ARHGAP32: variants seen among roughly 807,000 people sequenced by gnomAD.
The protein encoded by ARHGAP32 is Rho GTPase activating protein 32.
Under a neutral mutation model 186.5 loss-of-function variants are expected in ARHGAP32, and 51 were observed. The ratio of observed to expected loss-of-function variants is 0.27; its 90% CI spans 0.22 to 0.35. The LOEUF (loss-of-function observed/expected upper bound fraction) is 0.35. ARHGAP32 is among the 10% of genes least tolerant of loss of function. ARHGAP32 has a pLI of 1.00. For missense variants in ARHGAP32, 2,186 were observed against 2,623.5 expected (o/e 0.83, Z 3.64); for synonymous variants, 950 against 964.3 (o/e 0.99, Z 0.27).
chr11:129,168,669 C>T (rs1943689139), intron 1 of ARHGAP32, among the ~76,000 whole-genome samples: 1 of 152,022 alleles, frequency 6.6e-6, no homozygotes, highest in South Asian at 2.1e-4. Flanking sequence ...TGTGAACTAA[C>T]ACAGAACACT....
chr11:129,142,141 C>T (rs1943068865), intron 2 of ARHGAP32, among the ~76,000 whole-genome samples: 2 of 152,094 alleles, frequency 1.3e-5, no homozygotes, highest in South Asian at 4.1e-4. Context: ...TATAAGCTAT[C>T]TGAACAGTAG....
chr11:129,120,186 C>T (rs559285738), intron 5 of ARHGAP32, among the ~76,000 whole-genome samples: 19 of 151,952 alleles, frequency 1.3e-4, no homozygotes, highest in African/African-American at 4.3e-4. Flanking sequence ...AAGATGGAGC[C>T]AAAAAATCTG....
intron 11 of ARHGAP32, among the ~76,000 whole-genome samples, chr11:128,999,091 G>A (rs186494080): frequency 1.6e-4 from 25 of 152,300 alleles, no homozygotes; most frequent in African/African-American, 4.6e-4. Context: ...CTGTGGGGCC[G>A]GGCAGAACAG....
intron 1 of ARHGAP32, among the ~76,000 whole-genome samples, chr11:129,260,567 T>C (rs183804180): frequency 5.1e-4 from 77 of 152,310 alleles, no homozygotes; most frequent in Non-Finnish European, 7.6e-4. Flanking sequence ...ATTCTGTAAC[T>C]GCGAAACACC....
chr11:129,031,640 G>A (rs1181092024), intron 11 of ARHGAP32, among the ~76,000 whole-genome samples: 1 of 152,216 alleles, frequency 6.6e-6, no homozygotes, highest in African/African-American at 2.4e-5. Context: ...TGCTCATTGT[G>A]ATACGGACAG....
In ARHGAP32 at chr11:129,149,868, A is replaced by C. The variant is rs374818005; in HGVS notation, c.225+14451T>G. 5.1e-4 allele frequency among the ~76,000 whole-genome samples: 77 copies of C among 152,298 alleles called. 1 individual carries two copies. The highest frequency in any genetic ancestry group is 1.7e-3 in the Admixed American group (26 of 15,298). The stretch of plus-strand genomic sequence containing the variant: ...ATCAAGAAGACACCAGAAAAATGTG[A>C]AAACCAATGTAAAGAAATTTTTTTA... On this transcript the variant is annotated intron_variant, in intron 2 of 22. Transcript: ENST00000682385.
In ARHGAP32 at chr11:128,971,026, A is replaced by G. The variant is rs1565346463; in HGVS notation, c.4187T>C (p.Leu1396Pro). 6.2e-7 allele frequency: 1 copy of G among 1,613,898 alleles called. No homozygotes were observed. The highest frequency in any genetic ancestry group is 8.5e-7 in the Non-Finnish European group (1 of 1,180,042). Residue 1396 changes from leucine to proline, a missense_variant, in exon 23 of 23, where the codon CTG becomes CCG. Transcript: ENST00000682385. ...CPMATAVQPG[L>P]PEKVRDGARV... ...GGCACCGTCCCGCACTTTCTCAGGC[A>G]GGCCTGGCTGGACAGCTGTAGCCAT...
chr11:128,970,508 C>G lies in ARHGAP32; in HGVS notation c.4705G>C (p.Val1569Leu). 1 of 1,614,168 alleles carries G rather than the reference C, an allele frequency of 6.2e-7. No homozygotes were observed. Among genetic ancestry groups the G allele is most frequent in the South Asian group, 1.1e-5 (1 of 91,074 alleles). Residue 1569 changes from valine (V) to leucine (L), a missense_variant, in exon 23 of 23, where the codon GTC becomes CTC. Around this residue, in one of 5 missense-constraint regions of ARHGAP32, gnomAD observed 1,502 missense variants for 1,570.0 expected, o/e 0.96. Coordinates refer to ENST00000682385, the MANE Select transcript of ARHGAP32 (RefSeq NM_001378024.1). The surrounding 1 kb of genome is among the most constrained non-coding windows in gnomAD (Gnocchi z 5.8). Reference protein sequence around the residue: ...SGHHSKPCSRVEYVSSLSSSV... With the variant: ...SGHHSKPCSRLEYVSSLSSSV... ...GAGCTCAAAGAAGACACATACTCGA[C>G]CCGGCTGCATGGCTTGGAGTGGTGT... is the stretch of plus-strand genomic sequence containing the variant.
intron 1 of ARHGAP32, among the ~76,000 whole-genome samples, chr11:129,271,038 C>CT (rs1388252602): frequency 6.6e-6 from 1 of 152,128 alleles, no homozygotes; most frequent in Non-Finnish European, 1.5e-5. Context: ...GATATGGAGC[C>CT]TCATAAGCGA....
intron 11 of ARHGAP32, among the ~76,000 whole-genome samples, chr11:129,031,893 A>G (rs1939129783): frequency 6.6e-6 from 1 of 152,206 alleles, no homozygotes. Context: ...CGGACGTTTG[A>G]GAGAAGCAGA....
intron 1 of ARHGAP32, among the ~76,000 whole-genome samples, chr11:129,247,372 A>G (rs566269754): frequency 1.3e-5 from 2 of 152,318 alleles, no homozygotes; most frequent in Middle Eastern, 6.8e-3. Flanking sequence ...ATGTATTCAT[A>G]CTTCCTGTTT....
intron 12 of ARHGAP32, among the ~76,000 whole-genome samples, chr11:128,990,263 T>C (rs1946010238): frequency 6.6e-6 from 1 of 152,218 alleles, no homozygotes; most frequent in South Asian, 2.1e-4. Context: ...CTGTGTTCTA[T>C]GTGCTCATAG....
intron 8 of ARHGAP32, among the ~76,000 whole-genome samples, chr11:129,064,245 C>A (rs1484927916): frequency 6.6e-6 from 1 of 151,404 alleles, no homozygotes; most frequent in East Asian, 1.9e-4. Context: ...AAAAAAAATA[C>A]TTATCATCAT....
At chr11:129,273,539 T>A (rs991357695) in intron 1 of ARHGAP32, among the ~76,000 whole-genome samples, 6 of 152,206 alleles carry the variant, frequency 3.9e-5, no homozygotes, top group Non-Finnish European at 7.3e-5. Flanking sequence ...GACTCCAGGT[T>A]CAAAACTCAT....
At chr11:128,982,535 T>C (rs1487084868) in intron 15 of ARHGAP32, among the ~76,000 whole-genome samples, 2 of 150,836 alleles carry the variant, frequency 1.3e-5, no homozygotes, top group African/African-American at 4.9e-5. Flanking sequence ...ACAGAGGTAT[T>C]ATCTATCACC....
intron 2 of ARHGAP32, among the ~76,000 whole-genome samples, chr11:129,138,333 AAAG>A (rs1942981564): frequency 6.6e-6 from 1 of 151,444 alleles, no homozygotes; most frequent in Non-Finnish European, 1.5e-5. Flanking sequence ...GCCGTCTTAA[AAAG>A]TAGAGCATCT....
chr11:129,079,674 A>G (rs1182146674), intron 6 of ARHGAP32, among the ~76,000 whole-genome samples: 1 of 152,216 alleles, frequency 6.6e-6, no homozygotes, highest in Non-Finnish European at 1.5e-5. Flanking sequence ...AGGGCCTATA[A>G]AACAGTAACA....
chr11:129,076,911 G>A (rs1941058869), intron 6 of ARHGAP32, among the ~76,000 whole-genome samples: 1 of 152,210 alleles, frequency 6.6e-6, no homozygotes, highest in African/African-American at 2.4e-5. Flanking sequence ...CAAACTCCAT[G>A]AGACAGCTGA....
At chr11:129,274,871 G>T (rs1301866616) in intron 1 of ARHGAP32, among the ~76,000 whole-genome samples, 1 of 150,270 alleles carries the variant, frequency 6.7e-6, no homozygotes, top group Non-Finnish European at 1.5e-5. Context: ...TCCAACCCTG[G>T]CCTAATCAAA....
Sources: allele counts gnomAD v4.1 joint callset (sites outside exome capture counted in the v4.1 genomes callset), GRCh38; gene constraint gnomAD v4.1.1; regional missense constraint gnomAD v4.1.1; non-coding constraint Gnocchi (gnomAD v3.1); transcripts MANE v1.5; gene names NCBI Gene and HGNC (gene_info 2026-07-23, HGNC 2026-07-21).